The following DMD variants were observed in gnomAD, a reference collection of about 807,000 sequenced individuals.
The protein encoded by DMD is mutant dystrophin.
In DMD, 63 loss-of-function variants were observed where a neutral mutation model predicts 330.1. That is an observed-to-expected ratio of 0.19 (90% confidence interval 0.16 to 0.24). The LOEUF is 0.24. DMD is among the 10% of genes least tolerant of loss of function. The probability of loss-of-function intolerance (pLI) is 1.00; values close to 1 mark genes in which losing one functional copy is unlikely to be tolerated. For missense variants in DMD, 3,344 were observed against 2,684.1 expected (o/e 1.25, Z -5.43); for synonymous variants, 1,223 against 959.8 (o/e 1.27, Z -5.07).
At chrX:32,127,144 A>T (rs2096665360) in intron 44 of DMD, among the ~76,000 whole-genome samples, 2 of 111,748 alleles carry the variant, frequency 1.8e-5, no homozygotes, top group African/African-American at 6.5e-5. Flanking sequence ...TTCTAGCCCC[A>T]GAAGGCCATG....
chrX:33,134,367 T>G (rs73621875), intron 1 of DMD, among the ~76,000 whole-genome samples: 496 of 111,830 alleles, frequency 4.4e-3, no homozygotes, highest in African/African-American at 0.015. Context: ...TCAGTCAGCC[T>G]TGAGTTAAAC....
chrX:31,524,247 T>C (rs746699696), intron 55 of DMD, among the ~76,000 whole-genome samples: 3 of 111,940 alleles, frequency 2.7e-5, no homozygotes, highest in South Asian at 7.5e-4. Flanking sequence ...TCTGAGTCAA[T>C]GAAGATTTTC....
rs1476472205 is a variant in DMD, at chrX:32,317,835, G to A, written c.5923-7559C>T. ...GACCAAAAACAGTAAAATAGTGATG[G>A]AGCCTTTTTTTTTTTAACTGCGTTG... On this transcript the variant is annotated intron_variant, in intron 41 of 78. Transcript: ENST00000357033. 8.8e-5 allele frequency among the ~76,000 whole-genome samples: 6 copies of A among 68,363 alleles called. No homozygotes were observed. The Admixed American group carries it at 1.3e-3, about 14-fold the overall frequency. The allele number at this position is 68,363 out of a possible 115,157, so 59.4% of individuals were successfully genotyped here. A position where few individuals can be genotyped will look rare whatever the true frequency, so the allele number is the denominator to read the frequency against.
chrX:32,477,444 C>T lies in DMD; in HGVS notation c.2804-5135G>A, dbSNP rs184519117. On this transcript the variant is annotated intron_variant, in intron 21 of 78. Transcript: ENST00000357033. ...TTCTGCACCTTTTGTTTAAAAACTG[C>T]TTGTCTTTAACTCTTAAAAGAGGGA... is the stretch of plus-strand genomic sequence containing the variant. 1.2e-4 allele frequency among the ~76,000 whole-genome samples: 13 copies of T among 110,421 alleles called. No individual in the cohort carries two copies. The East Asian group carries it at 3.7e-3, about 31-fold the overall frequency.
At chrX:31,515,022 G>T (rs1160462099) in intron 55 of DMD, among the ~76,000 whole-genome samples, 1 of 110,076 alleles carries the variant, frequency 9.1e-6, no homozygotes, top group Non-Finnish European at 1.9e-5. Flanking sequence ...AGAAAGAAAA[G>T]TACAAAGACA....
intron 1 of DMD, among the ~76,000 whole-genome samples, chrX:33,107,944 A>C (rs1157990161): frequency 9.0e-6 from 1 of 111,447 alleles, no homozygotes; most frequent in South Asian, 3.7e-4. Flanking sequence ...ATAGATTATG[A>C]CTTTTAAAAA....
At chrX:31,321,865 T>C (rs1165700695) in intron 62 of DMD, among the ~76,000 whole-genome samples, 1 of 111,381 alleles carries the variant, frequency 9.0e-6, no homozygotes, top group Admixed American at 9.6e-5. Flanking sequence ...ACAGCTTTTC[T>C]GGAATTTGTC....
chrX:32,137,473 A>G (rs907369650), intron 44 of DMD, among the ~76,000 whole-genome samples: 23 of 111,777 alleles, frequency 2.1e-4, no homozygotes, highest in African/African-American at 6.8e-4. Flanking sequence ...ATGTTTAGTC[A>G]CTCACACACA....
intron 9 of DMD, among the ~76,000 whole-genome samples, chrX:32,671,802 A>G (rs1343868249): frequency 9.0e-6 from 1 of 111,661 alleles, no homozygotes; most frequent in Non-Finnish European, 1.9e-5. Flanking sequence ...AAGAAAATGT[A>G]ATACCACCAA....
intron 37 of DMD, among the ~76,000 whole-genome samples, chrX:32,350,025 T>G (rs2097776226): frequency 9.0e-6 from 1 of 111,501 alleles, no homozygotes; most frequent in Non-Finnish European, 1.9e-5. Context: ...ATATTTTATG[T>G]TATTAAATGG....
At chrX:31,908,663 C>G (rs867402976) in intron 47 of DMD, among the ~76,000 whole-genome samples, 1 of 95,178 alleles carries the variant, frequency 1.1e-5, no homozygotes, top group Admixed American at 1.1e-4. Flanking sequence ...CCACGCATAC[C>G]TATGTAACAA....
chrX:31,333,407 C>CT lies in DMD; in HGVS notation c.9164-9750dup, dbSNP rs145925904. On this transcript the variant is annotated intron_variant, in intron 61 of 78. Coordinates refer to ENST00000357033, the MANE Select transcript of DMD (RefSeq NM_004006.3). ...AAGACATAAGCCTTGCTGCCCCCGCCTTTTTTTTTTTTTTTTTTTTTTTTT... is the reference window on the plus strand; with the variant it reads ...AAGACATAAGCCTTGCTGCCCCCGCCTTTTTTTTTTTTTTTTTTTTTTTTTT... 7.9e-3 allele frequency among the ~76,000 whole-genome samples: 311 copies of CT among 39,342 alleles called. 19 individuals carry two copies. The highest frequency in any genetic ancestry group is 0.026 in the East Asian group (21 of 822). 34.2% of individuals were successfully genotyped at this position (39,342 alleles called of 115,157 possible).
Position 31,508,374 on chromosome X carries a change from G to C in DMD, c.8218-921C>G, listed in dbSNP as rs779026398. On this transcript the variant is annotated intron_variant, in intron 55 of 78. Transcript: ENST00000357033. ...TGACAGAATGAATTTTGGAGCACAG[G>C]CCTCACCAGTCAATAATAATAAACG... 26 of 663,064 alleles carry C rather than the reference G, an allele frequency of 3.9e-5. 1 individual carries two copies. In the East Asian group the frequency reaches 8.7e-4, roughly 22 times the overall value. The allele number at this position is 663,064 out of a possible 1,213,427, so 54.6% of individuals were successfully genotyped here.
chrX:32,224,782 G>A (rs1208523905), intron 43 of DMD, among the ~76,000 whole-genome samples: 5 of 111,291 alleles, frequency 4.5e-5, no homozygotes, highest in Middle Eastern at 4.3e-3. Flanking sequence ...CTTCAAATAC[G>A]TTTGGAGTCA....
intron 51 of DMD, among the ~76,000 whole-genome samples, chrX:31,759,118 C>T (rs1162171592): frequency 2.7e-5 from 3 of 110,988 alleles, no homozygotes; most frequent in Non-Finnish European, 5.7e-5. Context: ...CATGCTATTT[C>T]TACAAATACA....
At chrX:33,186,831 T>C (rs2050285091) in intron 1 of DMD, among the ~76,000 whole-genome samples, 1 of 111,637 alleles carries the variant, frequency 9.0e-6, no homozygotes, top group South Asian at 3.7e-4. Flanking sequence ...AGAGCTAAAG[T>C]TTTCTAACAA....
intron 64 of DMD, among the ~76,000 whole-genome samples, chrX:31,212,983 G>A (rs1428854132): frequency 8.9e-6 from 1 of 112,690 alleles, no homozygotes; most frequent in African/African-American, 3.2e-5. Context: ...CTATGTTGAT[G>A]TATAAATAAT....
chrX:32,473,793 A>C (rs186477679), intron 21 of DMD, among the ~76,000 whole-genome samples: 1 of 111,335 alleles, frequency 9.0e-6, no homozygotes, highest in East Asian at 2.8e-4. Flanking sequence ...ATCTGTTTTA[A>C]TTTACATAAA....
At chrX:32,054,193 C>CT (rs752962567) in intron 44 of DMD, among the ~76,000 whole-genome samples, 3,086 of 94,719 alleles carry the variant, frequency 0.033, 68 homozygotes, top group African/African-American at 0.063. Flanking sequence ...GTATTTTCTT[C>CT]TTTTTTTTTT....
Sources: gnomAD v4.1 joint callset for allele counts (sites outside exome capture counted in the v4.1 genomes callset) on GRCh38, gnomAD v4.1.1 for gene constraint, MANE v1.5 for transcripts, NCBI Gene and HGNC (gene_info 2026-07-23, HGNC 2026-07-21) for gene names.